IL17REL: variants seen among roughly 807,000 people sequenced by gnomAD.
IL17REL encodes interleukin 17 receptor E like, also known as interleukin-17 receptor E-like protein.
IL17REL carries 36 observed loss-of-function variants against 49.0 expected under a neutral mutation model. That is an observed-to-expected ratio of 0.73 (90% CI 0.56 to 0.97). The LOEUF (loss-of-function observed/expected upper bound fraction) is 0.97, where lower values mean the gene tolerates loss of function less well. Among genes scored for constraint, IL17REL ranks in the 50% least tolerant of loss-of-function variants. The pLI is 0.00. For missense variants in IL17REL, 470 were observed against 453.9 expected, an observed-to-expected ratio of 1.04 and a Z score of -0.32; for synonymous variants, 206 against 192.4, an observed-to-expected ratio of 1.07 and a Z score of -0.58.
intron 1 of IL17REL, among the ~76,000 whole-genome samples, chr22:50,003,458 T>A (rs760871249): frequency 2.1e-5 from 3 of 142,772 alleles, no homozygotes; most frequent in Non-Finnish European, 4.5e-5. Context: ...GAGGCAGAGG[T>A]TGCAGTGAGC....
exon 8 of IL17REL, chr22:49,998,194 C>G: frequency 6.2e-7 from 1 of 1,611,394 alleles, no homozygotes; most frequent in African/African-American, 1.3e-5. Context: ...CCCCCGGCCC[C>G]GGGCGCCAGC....
exon 13 of IL17REL, chr22:49,996,049 G>A (rs2061032212): frequency 6.6e-6 from 1 of 152,662 alleles, no homozygotes; most frequent in Non-Finnish European, 1.5e-5. Flanking sequence ...CTGGGAGAAG[G>A]GGGAGCTGAA....
intron 1 of IL17REL, among the ~76,000 whole-genome samples, chr22:50,002,798 A>C (rs1282798899): frequency 2.0e-5 from 3 of 152,164 alleles, no homozygotes; most frequent in African/African-American, 7.2e-5. Context: ...CCCAGCCAGA[A>C]ATCCAACTCT....
At chr22:49,999,845 C>T (rs780776071) in exon 5 of IL17REL, 5 of 1,519,214 alleles carry the variant, frequency 3.3e-6, no homozygotes, top group Admixed American at 4.2e-5. Context: ...GGGGCGCCGG[C>T]GTCCTCGCAG....
intron 10 of IL17REL, 70 bp from the exon 13 acceptor site, chr22:49,997,553 G>A: frequency 7.5e-7 from 1 of 1,330,906 alleles, no homozygotes; most frequent in Non-Finnish European, 1.1e-6. Context: ...TCCCCAGTGG[G>A]CCTGGCGCCT....
At chr22:49,996,939 T>C in intron 12 of IL17REL, 55 bp downstream of exon 14, 2 of 883,854 alleles carry the variant, frequency 2.3e-6, no homozygotes, top group Non-Finnish European at 3.4e-6. Context: ...GGGTGTGAAC[T>C]GAGGTCCTGC....
At chr22:50,002,039 A>G (rs1183617288) in intron 1 of IL17REL, among the ~76,000 whole-genome samples, 2 of 152,230 alleles carry the variant, frequency 1.3e-5, no homozygotes, top group Non-Finnish European at 2.9e-5. Context: ...TGAAGGGAGA[A>G]GCAAAAGAAC....
At chr22:50,005,992 G>A (rs978723348) in intron 1 of IL17REL, among the ~76,000 whole-genome samples, 6 of 151,958 alleles carry the variant, frequency 3.9e-5, no homozygotes, top group African/African-American at 1.5e-4. Flanking sequence ...GGAGAGCTGC[G>A]AAAATAATCA....
chr22:50,005,589 G>A (rs1018572256), intron 1 of IL17REL, among the ~76,000 whole-genome samples: 24 of 152,068 alleles, frequency 1.6e-4, no homozygotes, highest in Non-Finnish European at 2.6e-4. Context: ...ATCACTTCGG[G>A]TCAGGAGTTC....
chr22:49,999,286 C>T lies in IL17REL; in HGVS notation c.601+5G>A, dbSNP rs761765229. The T allele has an allele frequency of 1.2e-6, 2 of 1,612,906 alleles. No homozygotes were observed. The highest frequency in any genetic ancestry group is 1.3e-5 in the African/African-American group (1 of 74,920). ...TTCCGCCCGTTGGCATCGCAGGACA[C>T]TTGCCGTTTTCAAAGGGGCAGATCT... is the stretch of plus-strand genomic sequence containing the variant. On this transcript the variant is annotated splice_donor_5th_base_variant and intron_variant, in intron 7 of 12. Coordinates refer to ENST00000341280, the Ensembl canonical transcript of IL17REL.
chr22:49,997,267 C>G (rs1258011960), intron 11 of IL17REL, 53 bp downstream of exon 13: 3 of 1,551,872 alleles, frequency 1.9e-6, no homozygotes, highest in African/African-American at 1.4e-5. Context: ...TGATGGGGTC[C>G]TGCCGCCACC....
chr22:50,010,353 C>A (rs2061132714), upstream of IL17REL, among the ~76,000 whole-genome samples: 1 of 152,218 alleles, frequency 6.6e-6, no homozygotes, highest in Non-Finnish European at 1.5e-5. Context: ...CTCTGGGGAA[C>A]GGGATCCGAG....
chr22:49,999,534 C>G, intron 5 of IL17REL, 32 bp from the exon 8 acceptor site: 3 of 1,188,320 alleles, frequency 2.5e-6, no homozygotes, highest in Non-Finnish European at 3.5e-6. Flanking sequence ...TGAGGGGCCG[C>G]GCGGGAGGGC....
chr22:49,992,281 C>T (rs1318039828), downstream of IL17REL, among the ~76,000 whole-genome samples: 1 of 152,238 alleles, frequency 6.6e-6, no homozygotes, highest in Non-Finnish European at 1.5e-5. Context: ...CTTCTCCCCA[C>T]CTGCCTGCCC....
intron 12 of IL17REL, 52 bp from the exon 15 acceptor site, chr22:49,996,912 T>TG: frequency 1.5e-6 from 1 of 665,640 alleles, no homozygotes; most frequent in Non-Finnish European, 2.5e-6. Flanking sequence ...CCCCCGGGGA[T>TG]GGGGGATGGG....
At chr22:49,993,937 G>A (rs543948425), downstream of IL17REL, among the ~76,000 whole-genome samples, 275 of 152,236 alleles carry the variant, frequency 1.8e-3, 2 homozygotes, top group African/African-American at 6.4e-3. The surrounding 1 kb of genome is among the most constrained non-coding windows in gnomAD (Gnocchi z 6.0). Context: ...GGCTGGGGGC[G>A]GACGGGGTCT....
intron 1 of IL17REL, among the ~76,000 whole-genome samples, chr22:50,005,759 T>C (rs9617113): frequency 0.19 from 29,497 of 151,704 alleles, 3,056 homozygotes; most frequent in South Asian, 0.39. Context: ...GAGCCGAGAT[T>C]GCGCCACTGT....
intron 10 of IL17REL, 22 bp downstream of exon 12, chr22:49,997,663 G>T: frequency 6.2e-7 from 1 of 1,608,050 alleles, no homozygotes; most frequent in African/African-American, 1.3e-5. Context: ...TCCACATTGC[G>T]TAGGCCTCAT....
At chr22:50,011,011 C>T (rs1026578758), upstream of IL17REL, among the ~76,000 whole-genome samples, 2 of 151,708 alleles carry the variant, frequency 1.3e-5, no homozygotes, top group African/African-American at 4.8e-5. Flanking sequence ...GGGTCCCCCC[C>T]CAGGGCGCGG....
Sources: gnomAD v4.1 joint callset for allele counts (sites outside exome capture counted in the v4.1 genomes callset) on GRCh38, gnomAD v4.1.1 for gene constraint, Gnocchi (gnomAD v3.1) non-coding constraint, MANE v1.5 for transcripts, NCBI Gene and HGNC (gene_info 2026-07-23, HGNC 2026-07-21) for gene names.